Variants in USP7 observed in about 807,000 individuals in gnomAD.
The protein encoded by USP7 is ubiquitin C-terminal hydrolase 7.
USP7 carries 9 observed loss-of-function variants against 162.9 expected under a neutral mutation model. The observed-to-expected ratio is 0.06, with a 90% CI of 0.03 to 0.10. The LOEUF is 0.10. USP7 is among the 10% of genes least tolerant of loss of function. The probability of loss-of-function intolerance (pLI) is 1.00; values close to 1 mark genes in which losing one functional copy is unlikely to be tolerated. For synonymous variants in USP7, 562 were observed against 475.9 expected (o/e 1.18, Z -2.35); for missense variants, 715 against 1,373.7 (o/e 0.52, Z 7.58).
At chr16:8,959,204 G>A (rs1415496940) in intron 1 of USP7, among the ~76,000 whole-genome samples, 1 of 152,128 alleles carries the variant, frequency 6.6e-6, no homozygotes, top group Non-Finnish European at 1.5e-5. Context: ...AAGAGCTTAA[G>A]CAATGTGCAT....
intron 1 of USP7, among the ~76,000 whole-genome samples, chr16:8,940,419 C>T (rs1490210960): frequency 2.0e-5 from 3 of 152,192 alleles, no homozygotes; most frequent in Non-Finnish European, 2.9e-5. Flanking sequence ...TTGAACACAA[C>T]GAGAGGCAGA....
At chr16:8,899,452 G>T in intron 22 of USP7, 152 bp downstream of exon 22, 2 of 1,022,112 alleles carry the variant, frequency 2.0e-6, no homozygotes, top group Non-Finnish European at 2.8e-6. Context: ...AGCTCCCAAG[G>T]CAGAGAGCCT....
chr16:8,922,635 G>C (rs1897761212), intron 3 of USP7, among the ~76,000 whole-genome samples: 1 of 152,236 alleles, frequency 6.6e-6, no homozygotes. Context: ...GGTTCCAACT[G>C]CAGACAGGTT....
In USP7 at chr16:8,893,827, C is replaced by T. The variant is rs975659954; in HGVS notation, c.*171G>A. On this transcript the variant is annotated 3_prime_UTR_variant, in exon 31 of 31. Transcript: ENST00000344836. ...ACATCTTCATTTTGCTCAAAAAGGGCAGTCAATAGATACAGAGAAGCCAAA... is the reference window on the plus strand; with the variant it reads ...ACATCTTCATTTTGCTCAAAAAGGGTAGTCAATAGATACAGAGAAGCCAAA... 7.0e-5 allele frequency: 42 copies of T among 603,408 alleles called. No individual in the cohort carries two copies. Among genetic ancestry groups the T allele is most frequent in the Non-Finnish European group, 7.4e-5 (25 of 336,612 alleles). The allele number at this position is 603,408 out of a possible 1,614,324, so 37.4% of individuals were successfully genotyped here. A position where few individuals can be genotyped will look rare whatever the true frequency, so the allele number is the denominator to read the frequency against.
intron 1 of USP7, among the ~76,000 whole-genome samples, chr16:8,944,167 G>C (rs1253676389): frequency 2.0e-5 from 3 of 151,968 alleles, no homozygotes; most frequent in East Asian, 3.9e-4. Context: ...TTGCATGTTT[G>C]AATGTTTCCG....
chr16:8,902,758 G>A (rs538800614), intron 16 of USP7, among the ~76,000 whole-genome samples: 3 of 151,950 alleles, frequency 2.0e-5, no homozygotes, highest in Non-Finnish European at 2.9e-5. Flanking sequence ...CCTGGTGACG[G>A]GTGCCTGTAA....
Position 8,917,112 on chromosome 16 carries a change from G to A in USP7, c.765C>T (p.Ser255=), listed in dbSNP as rs755083611. The part of the protein sequence containing the change: ...MPTEGDDSSK[S]VPLALQRVFY... The stretch of plus-strand genomic sequence containing the variant: ...ACACTCTTTGTAATGCTAAAGGGAC[G>A]CTTTTAGACGAATCATCCCCCTCGG... Residue 255 remains serine (S), a synonymous_variant, in exon 7 of 31, where the codon AGC becomes AGT. Transcript: ENST00000344836. 7 of 1,613,296 alleles carry A rather than the reference G, an allele frequency of 4.3e-6. No individual in the cohort carries two copies. Among genetic ancestry groups the A allele is most frequent in the South Asian group, 3.3e-5 (3 of 90,870 alleles).
intron 25 of USP7, 74 bp from the exon 26 acceptor site, chr16:8,897,173 G>T (rs1189226366): frequency 2.5e-6 from 3 of 1,181,872 alleles, no homozygotes; most frequent in South Asian, 1.3e-5. Context: ...GAAGAGAGGA[G>T]AAAGTTGCAT....
chr16:8,945,859 T>G (rs988114058), intron 1 of USP7, among the ~76,000 whole-genome samples: 7 of 151,752 alleles, frequency 4.6e-5, no homozygotes, highest in African/African-American at 1.7e-4. Flanking sequence ...GAAACCAGCC[T>G]GGGCAACATA....
intron 1 of USP7, among the ~76,000 whole-genome samples, chr16:8,936,058 G>A (rs533338744): frequency 1.4e-3 from 206 of 152,262 alleles, no homozygotes; most frequent in African/African-American, 4.6e-3. Context: ...GGCAGGGGGC[G>A]GGGGTCGCGA....
At chr16:8,941,643 T>C (rs962607179) in intron 1 of USP7, among the ~76,000 whole-genome samples, 9 of 152,338 alleles carry the variant, frequency 5.9e-5, no homozygotes, top group African/African-American at 1.7e-4. Context: ...CCTTGTAGCC[T>C]TGCTTGGTAC....
At chr16:8,928,668 A>T (rs573179511) in intron 2 of USP7, among the ~76,000 whole-genome samples, 35 of 152,254 alleles carry the variant, frequency 2.3e-4, no homozygotes, top group African/African-American at 8.2e-4. Flanking sequence ...TTCAACGGCA[A>T]CCACAGTTCC....
intron 11 of USP7, 70 bp from the exon 12 acceptor site, chr16:8,908,520 C>A: frequency 7.4e-7 from 1 of 1,357,500 alleles, no homozygotes; most frequent in Non-Finnish European, 1.0e-6. Flanking sequence ...AAAGCAACAG[C>A]GGTTCAGCAA....
At chr16:8,955,905 A>C (rs1457354745) in intron 1 of USP7, among the ~76,000 whole-genome samples, 1 of 152,050 alleles carries the variant, frequency 6.6e-6, no homozygotes, top group Non-Finnish European at 1.5e-5. Flanking sequence ...TTGGAAACAC[A>C]CCTCTCAACT....
chr16:8,950,997 T>C (rs1899521401), intron 1 of USP7, among the ~76,000 whole-genome samples: 1 of 152,154 alleles, frequency 6.6e-6, no homozygotes, highest in South Asian at 2.1e-4. Context: ...AAAACTGATC[T>C]GATGCAACGT....
intron 1 of USP7, among the ~76,000 whole-genome samples, chr16:8,960,046 G>T (rs1040518590): frequency 6.6e-6 from 1 of 152,166 alleles, no homozygotes; most frequent in Non-Finnish European, 1.5e-5. Context: ...ATTCAATAGC[G>T]TCTACACCGA....
At chr16:8,921,788 G>A (rs1169019402) in intron 3 of USP7, among the ~76,000 whole-genome samples, 8 of 152,158 alleles carry the variant, frequency 5.3e-5, no homozygotes, top group Admixed American at 5.2e-4. Context: ...ACAACCACAA[G>A]AGAACTACTG....
chr16:8,918,566 T>C (rs578010135), intron 6 of USP7, among the ~76,000 whole-genome samples: 24 of 152,306 alleles, frequency 1.6e-4, no homozygotes, highest in African/African-American at 5.1e-4. Flanking sequence ...TCTGAGCCCC[T>C]TGGGAAGCTG....
At chr16:8,926,593 C>A (rs1898013315) in intron 2 of USP7, among the ~76,000 whole-genome samples, 1 of 152,210 alleles carries the variant, frequency 6.6e-6, no homozygotes, top group Non-Finnish European at 1.5e-5. Flanking sequence ...ACATGAGACT[C>A]AGTGATGGAG....
Sources: allele counts gnomAD v4.1 joint callset (sites outside exome capture counted in the v4.1 genomes callset), GRCh38; gene constraint gnomAD v4.1.1; transcripts MANE v1.5; gene names NCBI Gene and HGNC (gene_info 2026-07-23, HGNC 2026-07-21).